CCDC169: variants seen among roughly 807,000 people sequenced by gnomAD.
The protein encoded by CCDC169 is coiled-coil domain containing 169, also known as coiled-coil domain-containing protein 169.
CCDC169 carries 30 observed loss-of-function variants against 36.0 expected under a neutral mutation model. The observed-to-expected ratio is 0.83, with a 90% CI of 0.62 to 1.13. The LOEUF (loss-of-function observed/expected upper bound fraction) is 1.13, where lower values mean the gene tolerates loss of function less well. Ranked by LOEUF, CCDC169 falls within the 50% of genes most tolerant of loss-of-function variation. CCDC169 has a pLI of 0.00. For missense variants in CCDC169, 245 were observed against 245.9 expected, an observed-to-expected ratio of 1.00 and a Z score of 0.03; for synonymous variants, 85 against 81.5, an observed-to-expected ratio of 1.04 and a Z score of -0.23.
chr13:36,282,463 A>C, intron 4 of CCDC169: 3 of 985,318 alleles, frequency 3.0e-6, no homozygotes, highest in Non-Finnish European at 3.6e-6. Flanking sequence ...TTAGATTTCT[A>C]ATCTCTGCTG....
At chr13:36,286,679 G>A (rs1050566649) in intron 2 of CCDC169, among the ~76,000 whole-genome samples, 2 of 152,008 alleles carry the variant, frequency 1.3e-5, no homozygotes, top group Non-Finnish European at 2.9e-5. Flanking sequence ...GCCATCTACA[G>A]CCCTACTCTT....
chr13:36,232,430 T>C (rs1870537089), intron 7 of CCDC169, among the ~76,000 whole-genome samples: 2 of 152,272 alleles, frequency 1.3e-5, no homozygotes, highest in South Asian at 4.1e-4. Flanking sequence ...CACTGTTTAA[T>C]TTCAGAGCTG....
At chr13:36,294,231 T>A (rs1423801886) in intron 2 of CCDC169, among the ~76,000 whole-genome samples, 1 of 152,206 alleles carries the variant, frequency 6.6e-6, no homozygotes, top group Non-Finnish European at 1.5e-5. Context: ...TTTTGAGAAC[T>A]GCTACAACTT....
chr13:36,283,375 C>T (rs1375729728), intron 4 of CCDC169, 94 bp downstream of exon 4: 15 of 1,172,254 alleles, frequency 1.3e-5, no homozygotes, highest in African/African-American at 1.6e-5. Flanking sequence ...TTGGACCTTG[C>T]GCTAGTCTTC....
At chr13:36,275,935 G>C (rs1338228619) in intron 4 of CCDC169, among the ~76,000 whole-genome samples, 1 of 152,164 alleles carries the variant, frequency 6.6e-6, no homozygotes, top group Non-Finnish European at 1.5e-5. Context: ...GAATAATAGA[G>C]GGGAGAGTCT....
downstream of CCDC169, among the ~76,000 whole-genome samples, chr13:36,228,663 C>G (rs1870102680): frequency 6.6e-6 from 1 of 152,088 alleles, no homozygotes; most frequent in Non-Finnish European, 1.5e-5. Flanking sequence ...AGTGATCCTC[C>G]CACCTCAGCC....
At chr13:36,297,076 C>G (rs1267712696) in intron 1 of CCDC169, among the ~76,000 whole-genome samples, 1 of 152,060 alleles carries the variant, frequency 6.6e-6, no homozygotes, top group African/African-American at 2.4e-5. Context: ...AACCCAGAAC[C>G]CTATCTAGGC....
At chr13:36,274,811 G>A (rs1876548827) in intron 4 of CCDC169, among the ~76,000 whole-genome samples, 1 of 149,866 alleles carries the variant, frequency 6.7e-6, no homozygotes, top group Non-Finnish European at 1.5e-5. Flanking sequence ...GTATACTTAG[G>A]TTTTTAAAAA....
chr13:36,257,100 T>C (rs538975251), intron 4 of CCDC169, among the ~76,000 whole-genome samples: 3 of 145,766 alleles, frequency 2.1e-5, no homozygotes, highest in African/African-American at 7.4e-5. Context: ...AGACCACCTA[T>C]TGAGCTGGGG....
intron 2 of CCDC169, among the ~76,000 whole-genome samples, chr13:36,285,603 A>ATAGATAGATAGATAGATAGCTAGC (rs1276014417): frequency 6.8e-6 from 1 of 148,146 alleles, no homozygotes. Context: ...AGATAGATAG[A>ATAGATAGATAGATAGATAGCTAGC]TAGATAGATA....
At chr13:36,222,044 T>C (rs748408882) in exon 7 of CCDC169, 7 of 152,268 alleles carry the variant, frequency 4.6e-5, no homozygotes, top group Non-Finnish European at 8.8e-5. Context: ...TCTTTGCTTT[T>C]ATTTTAATGC....
chr13:36,229,152 A>T (rs1378164957), downstream of CCDC169, among the ~76,000 whole-genome samples: 4 of 152,200 alleles, frequency 2.6e-5, no homozygotes, highest in Non-Finnish European at 5.9e-5. Context: ...AGTACCCTTG[A>T]TCTGCACAGC....
chr13:36,253,721 C>A (rs980179870), intron 6 of CCDC169, 82 bp downstream of exon 6: 8 of 1,487,220 alleles, frequency 5.4e-6, no homozygotes, highest in Non-Finnish European at 7.1e-6. Context: ...CTCTCCCAAA[C>A]CAAAAACAAA....
At chr13:36,232,701 C>T (rs1454961829) in intron 7 of CCDC169, among the ~76,000 whole-genome samples, 7 of 62,942 alleles carry the variant, frequency 1.1e-4, no homozygotes, top group African/African-American at 1.7e-4. Flanking sequence ...GGCGACAGAG[C>T]GAGACTCCGT....
downstream of CCDC169, chr13:36,226,856 C>T: frequency 2.9e-6 from 1 of 340,236 alleles, no homozygotes; most frequent in Non-Finnish European, 5.3e-6. Flanking sequence ...TGCTCAGTCC[C>T]TGGGTGATGG....
At chr13:36,254,898 C>T (rs762751448) in intron 4 of CCDC169, among the ~76,000 whole-genome samples, 1 of 152,164 alleles carries the variant, frequency 6.6e-6, no homozygotes, top group African/African-American at 2.4e-5. Flanking sequence ...GCTTTGGACC[C>T]AAGCCCTCAC....
chr13:36,231,901 T>C (rs141643817), intron 7 of CCDC169, among the ~76,000 whole-genome samples: 1 of 152,306 alleles, frequency 6.6e-6, no homozygotes, highest in African/African-American at 2.4e-5. Flanking sequence ...TGTTTTAAAA[T>C]ATGTAACATG....
At chr13:36,227,258 G>GGGCCAGAGTGCT (rs1226902224), downstream of CCDC169, 7 of 1,551,116 alleles carry the variant, frequency 4.5e-6, no homozygotes, top group Non-Finnish European at 6.1e-6. Flanking sequence ...GTAAGCAGGC[G>GGGCCAGAGTGCT]GGCCAGAGTG....
chr13:36,244,797 ACAG>A (rs1872294202), intron 7 of CCDC169, among the ~76,000 whole-genome samples: 3 of 56,958 alleles, frequency 5.3e-5, no homozygotes, highest in African/African-American at 1.1e-4. Context: ...GGGGACTCTG[ACAG>A]TATAGAATTC....
Sources: gnomAD v4.1 joint callset for allele counts (sites outside exome capture counted in the v4.1 genomes callset) on GRCh38, gnomAD v4.1.1 for gene constraint, MANE v1.5 for transcripts, NCBI Gene and HGNC (gene_info 2026-07-23, HGNC 2026-07-21) for gene names.